ITGA8: variants seen among roughly 807,000 people sequenced by gnomAD.
The protein encoded by ITGA8 is integrin alpha-8.
A neutral mutation model predicts 142.3 loss-of-function variants in ITGA8; 91 were observed. The observed-to-expected ratio is 0.64, with a 90% CI of 0.54 to 0.76. The LOEUF (loss-of-function observed/expected upper bound fraction) is 0.76, where lower values mean the gene tolerates loss of function less well. Among genes scored for constraint, ITGA8 ranks in the 30% least tolerant of loss-of-function variants. The probability of loss-of-function intolerance (pLI) is 0.00; values close to 1 mark genes in which losing one functional copy is unlikely to be tolerated. For synonymous variants in ITGA8, 505 were observed against 485.2 expected (o/e 1.04, Z -0.54); for missense variants, 1,406 against 1,327.7 (o/e 1.06, Z -0.92).
In ITGA8 at chr10:15,575,565, G is replaced by C. The variant is rs770693778; in HGVS notation, c.2402C>G (p.Pro801Arg). Residue 801 changes from proline to arginine, a missense_variant, in exon 24 of 30, where the codon CCC becomes CGC. Transcript: ENST00000378076. ...GVSHPPQIVL[P>R]IHNWEPEEEP... Reference sequence around the variant, plus strand: ...CTCTTCTGGTTCCCAGTTATGAATGGGCAGAACAATCTGCGGAGGGTGTGA... The same window carrying C: ...CTCTTCTGGTTCCCAGTTATGAATGCGCAGAACAATCTGCGGAGGGTGTGA... 1.2e-5 allele frequency: 20 copies of C among 1,613,706 alleles called. No homozygotes were observed. Among genetic ancestry groups the C allele is most frequent in the Non-Finnish European group, 1.7e-6 (2 of 1,179,874 alleles).
rs775622393 is a variant in ITGA8, at chr10:15,575,182, A to G, written c.2478+307T>C. The stretch of plus-strand genomic sequence containing the variant: ...GGTGGGTGGATCACTTGAGCTCAGG[A>G]GCTTGAGACTAGCCTGGGCAACATG... On this transcript the variant is annotated intron_variant, in intron 24 of 29. Transcript: ENST00000378076. Among the ~76,000 whole-genome samples, 109 of 152,168 alleles carry G rather than the reference A, an allele frequency of 7.2e-4. 1 individual carries two copies. Among genetic ancestry groups the G allele is most frequent in the Non-Finnish European group, 1.2e-3 (81 of 68,020 alleles).
At chr10:15,557,272 C>T (rs573927748) in intron 26 of ITGA8, among the ~76,000 whole-genome samples, 2 of 152,238 alleles carry the variant, frequency 1.3e-5, no homozygotes, top group East Asian at 1.9e-4. Context: ...CCCAGCTACT[C>T]GGGAGACTGA....
intron 26 of ITGA8, among the ~76,000 whole-genome samples, chr10:15,548,890 C>T (rs546986472): frequency 2.2e-4 from 34 of 152,256 alleles, no homozygotes; most frequent in Non-Finnish European, 4.3e-4. Flanking sequence ...ATACCCAGTG[C>T]TGGGTTCAGC....
At position 15,719,525 on chromosome 10, in the gene ITGA8, T is replaced by C. The variant is rs151297857; in HGVS notation, c.209+38A>G. 3 of 1,498,006 alleles carry C rather than the reference T, an allele frequency of 2.0e-6. No individual in the cohort carries two copies. In the African/African-American group the frequency reaches 4.4e-5, roughly 22 times the overall value. The allele number at this position is 1,498,006 out of a possible 1,614,324, so 92.8% of individuals were successfully genotyped here. ...GCTGGGACCTGACCCGGGAGCGCCT[T>C]CGTCCCCGCGCGCACCTCCCCGGGT... On this transcript the variant is annotated intron_variant, in intron 1 of 29. Coordinates refer to ENST00000378076, the MANE Select transcript of ITGA8 (RefSeq NM_003638.3).
chr10:15,625,892 C>T (rs1336602425), intron 13 of ITGA8, among the ~76,000 whole-genome samples: 1 of 152,176 alleles, frequency 6.6e-6, no homozygotes, highest in Non-Finnish European at 1.5e-5. Flanking sequence ...CCTATAAAAT[C>T]GAGCTGCAGA....
At chr10:15,544,962 C>T (rs934939385) in intron 27 of ITGA8, among the ~76,000 whole-genome samples, 4 of 152,166 alleles carry the variant, frequency 2.6e-5, no homozygotes, top group African/African-American at 9.7e-5. Context: ...ACAGAGCCTC[C>T]AGCCCCTCAA....
At chr10:15,552,327 C>A (rs1393715306) in intron 26 of ITGA8, among the ~76,000 whole-genome samples, 1 of 151,944 alleles carries the variant, frequency 6.6e-6, no homozygotes, top group Non-Finnish European at 1.5e-5. Context: ...TTAGTAGAGA[C>A]GGGGTTTCAC....
chr10:15,667,825 A>G lies in ITGA8; in HGVS notation c.847+3778T>C, dbSNP rs375700295. Among the ~76,000 whole-genome samples, 8 of 151,834 alleles carry G rather than the reference A, an allele frequency of 5.3e-5. No homozygotes were observed. In the East Asian group the frequency reaches 5.8e-4, roughly 11 times the overall value. On this transcript the variant is annotated intron_variant, in intron 8 of 29. Coordinates refer to ENST00000378076, the MANE Select transcript of ITGA8 (RefSeq NM_003638.3). ...TTGTTCAGTTTCCATGTAGTTGAGC[A>G]GTTTTGAGTGAGTTTCTTAATCCTG... is the stretch of plus-strand genomic sequence containing the variant.
intron 28 of ITGA8, among the ~76,000 whole-genome samples, chr10:15,524,519 C>T (rs1404910567): frequency 6.6e-6 from 1 of 152,170 alleles, no homozygotes; most frequent in African/African-American, 2.4e-5. Context: ...TATGTCTCGG[C>T]AAGAGAGGTC....
intron 27 of ITGA8, among the ~76,000 whole-genome samples, chr10:15,533,452 T>A (rs1360191879): frequency 1.3e-5 from 2 of 152,212 alleles, no homozygotes; most frequent in Non-Finnish European, 2.9e-5. Flanking sequence ...CATAAAATCA[T>A]GTGTGTACCT....
intron 2 of ITGA8, among the ~76,000 whole-genome samples, chr10:15,697,747 A>G (rs1360539014): frequency 6.6e-6 from 1 of 152,198 alleles, no homozygotes; most frequent in Non-Finnish European, 1.5e-5. Flanking sequence ...CTTTAAAAAC[A>G]TATATCCAGC....
chr10:15,689,973 G>A (rs1350846049), intron 2 of ITGA8, among the ~76,000 whole-genome samples: 4 of 152,160 alleles, frequency 2.6e-5, no homozygotes, highest in Non-Finnish European at 4.4e-5. Flanking sequence ...ACTTAAGGGA[G>A]CTTTGGTCCC....
intron 26 of ITGA8, among the ~76,000 whole-genome samples, chr10:15,549,881 C>T (rs118086102): frequency 8.1e-4 from 123 of 152,282 alleles, no homozygotes; most frequent in Non-Finnish European, 1.1e-3. Context: ...TGATAAATTG[C>T]GGTGAAGTTC....
chr10:15,573,842 A>G (rs1334501733), intron 24 of ITGA8, among the ~76,000 whole-genome samples: 1 of 152,122 alleles, frequency 6.6e-6, no homozygotes, highest in African/African-American at 2.4e-5. Context: ...ACGAATAGGA[A>G]TAACTACTCT....
chr10:15,705,809 C>T (rs552504611), intron 2 of ITGA8, among the ~76,000 whole-genome samples: 28 of 152,282 alleles, frequency 1.8e-4, no homozygotes, highest in Middle Eastern at 3.4e-3. Flanking sequence ...ACAAGACTTT[C>T]TTTATTGGCT....
At chr10:15,604,985 C>G (rs1833168538) in intron 19 of ITGA8, among the ~76,000 whole-genome samples, 1 of 152,140 alleles carries the variant, frequency 6.6e-6, no homozygotes, top group Admixed American at 6.6e-5. Flanking sequence ...ACTTTTTAAC[C>G]TTACTTAAAG....
chr10:15,655,273 G>C lies in ITGA8; in HGVS notation c.1001+81C>G, dbSNP rs186613050. On this transcript the variant is annotated intron_variant, in intron 11 of 29. Transcript: ENST00000378076. Reference sequence around the variant, plus strand: ...CTATCTTGTTGAGGCAATAAGGAAGGGTGTATTTTGTGAAGGAAAAACATA... The same window carrying C: ...CTATCTTGTTGAGGCAATAAGGAAGCGTGTATTTTGTGAAGGAAAAACATA... 3 of 926,664 alleles carry C rather than the reference G, an allele frequency of 3.2e-6. No individual in the cohort carries two copies. In the African/African-American group the frequency reaches 5.1e-5, roughly 16 times the overall value. 57.4% of individuals were successfully genotyped at this position (926,664 alleles called of 1,614,324 possible).
intron 21 of ITGA8, among the ~76,000 whole-genome samples, chr10:15,594,550 C>T (rs777782959): frequency 3.9e-5 from 6 of 152,010 alleles, no homozygotes; most frequent in Admixed American, 2.0e-4. Context: ...TTTGGGAGGC[C>T]GAGGTGGGTG....
intron 23 of ITGA8, among the ~76,000 whole-genome samples, chr10:15,575,806 C>T (rs1375956583): frequency 2.0e-5 from 3 of 152,132 alleles, no homozygotes; most frequent in African/African-American, 4.8e-5. Flanking sequence ...CTCTCCAGCC[C>T]AGAGGGCAAC....
Sources: allele counts gnomAD v4.1 joint callset (sites outside exome capture counted in the v4.1 genomes callset), GRCh38; gene constraint gnomAD v4.1.1; transcripts MANE v1.5; gene names NCBI Gene and HGNC (gene_info 2026-07-23, HGNC 2026-07-21).